DRC11: variants seen among roughly 807,000 people sequenced by gnomAD.
DRC11 encodes dynein regulatory complex subunit 11, also known as IQ and AAA domain-containing protein 1.
chr2:236,465,470 C>G, the DRC11 span: 2 of 1,566,080 alleles, frequency 1.3e-6, no homozygotes, highest in Non-Finnish European at 1.8e-6. The surrounding 1 kb of genome is among the most constrained non-coding windows in gnomAD (Gnocchi z 6.2). Context: ...CACTAAAGAA[C>G]AGACTGGATA....
At chr2:236,460,757 T>C in the DRC11 span, among the ~76,000 whole-genome samples, 1 of 146,254 alleles carries the variant, frequency 6.8e-6, no homozygotes, top group African/African-American at 2.4e-5. This position sits in a 1 kb window ranked among gnomAD's most constrained non-coding sequence, Gnocchi z 4.0. Context: ...ATATTTATTT[T>C]ATTTATTTAT....
At chr2:236,363,750 G>C in the DRC11 span, 4 of 1,496,078 alleles carry the variant, frequency 2.7e-6, no homozygotes, top group African/African-American at 5.5e-5. This position sits in a 1 kb window ranked among gnomAD's most constrained non-coding sequence, Gnocchi z 5.6. Flanking sequence ...AGAGGGAGGA[G>C]AGTTGGAAAC....
chr2:236,342,680 G>A, the DRC11 span, among the ~76,000 whole-genome samples: 1 of 152,142 alleles, frequency 6.6e-6, no homozygotes, highest in Non-Finnish European at 1.5e-5. The surrounding 1 kb of genome is among the most constrained non-coding windows in gnomAD (Gnocchi z 5.8). Flanking sequence ...TTCCTCCCCC[G>A]CTCCTCTCCT....
chr2:236,469,595 A>G, the DRC11 span, among the ~76,000 whole-genome samples: 3 of 152,164 alleles, frequency 2.0e-5, no homozygotes, highest in African/African-American at 4.8e-5. This position sits in a 1 kb window ranked among gnomAD's most constrained non-coding sequence, Gnocchi z 5.8. Flanking sequence ...TGCTGTTAGT[A>G]TGTGTGTATT....
chr2:236,431,358 G>A, the DRC11 span, among the ~76,000 whole-genome samples: 5 of 152,268 alleles, frequency 3.3e-5, no homozygotes, highest in South Asian at 1.0e-3. This position sits in a 1 kb window ranked among gnomAD's most constrained non-coding sequence, Gnocchi z 4.2. Context: ...AAGCAAACAC[G>A]TCCTTCTTCA....
At chr2:236,335,858 G>A in the DRC11 span, among the ~76,000 whole-genome samples, 2 of 152,180 alleles carry the variant, frequency 1.3e-5, no homozygotes, top group African/African-American at 4.8e-5. The surrounding 1 kb of genome is among the most constrained non-coding windows in gnomAD (Gnocchi z 5.6). Context: ...GGGCTGCGGC[G>A]AGACTGTGGT....
chr2:236,319,078 G>C, the DRC11 span, among the ~76,000 whole-genome samples: 1 of 152,164 alleles, frequency 6.6e-6, no homozygotes, highest in African/African-American at 2.4e-5. The surrounding 1 kb of genome is among the most constrained non-coding windows in gnomAD (Gnocchi z 6.7). Flanking sequence ...GCTTTTTTGG[G>C]GCCCCAGGGG....
the DRC11 span, among the ~76,000 whole-genome samples, chr2:236,330,933 C>T: frequency 3.9e-5 from 6 of 152,272 alleles, no homozygotes; most frequent in East Asian, 3.9e-4. The surrounding 1 kb of genome is among the most constrained non-coding windows in gnomAD (Gnocchi z 5.5). Context: ...GGCTTCCTAT[C>T]GCAAATGAAC....
chr2:236,479,372 T>C, the DRC11 span, among the ~76,000 whole-genome samples: 8 of 152,360 alleles, frequency 5.3e-5, no homozygotes, highest in African/African-American at 1.9e-4. The surrounding 1 kb of genome is among the most constrained non-coding windows in gnomAD (Gnocchi z 4.1). Flanking sequence ...AAGAATGTAC[T>C]ACTGCCATTT....
At chr2:236,485,277 T>C in the DRC11 span, among the ~76,000 whole-genome samples, 8 of 152,006 alleles carry the variant, frequency 5.3e-5, no homozygotes, top group Admixed American at 3.3e-4. Context: ...ATATACATCA[T>C]GTGTTTGTAA....
At chr2:236,372,059 C>T in the DRC11 span, among the ~76,000 whole-genome samples, 1 of 152,176 alleles carries the variant, frequency 6.6e-6, no homozygotes, top group South Asian at 2.1e-4. The surrounding 1 kb of genome is among the most constrained non-coding windows in gnomAD (Gnocchi z 4.5). Context: ...AACGTCTAAA[C>T]CCTTTTCCCG....
At chr2:236,346,907 A>C in the DRC11 span, among the ~76,000 whole-genome samples, 1 of 152,182 alleles carries the variant, frequency 6.6e-6, no homozygotes, top group Admixed American at 6.5e-5. Flanking sequence ...CTGGCCTATG[A>C]CCTTCTAGGG....
At chr2:236,405,885 A>C in the DRC11 span, among the ~76,000 whole-genome samples, 5 of 152,186 alleles carry the variant, frequency 3.3e-5, no homozygotes, top group African/African-American at 1.2e-4. This position sits in a 1 kb window ranked among gnomAD's most constrained non-coding sequence, Gnocchi z 4.6. Context: ...GACTTCATTC[A>C]CACTGCGAAG....
chr2:236,493,592 A>G, the DRC11 span, among the ~76,000 whole-genome samples: 2 of 152,214 alleles, frequency 1.3e-5, no homozygotes, highest in Non-Finnish European at 2.9e-5. Flanking sequence ...TAATGATTAT[A>G]TATCACCAAA....
chr2:236,468,988 AAATG>A, the DRC11 span, among the ~76,000 whole-genome samples: 1 of 152,192 alleles, frequency 6.6e-6, no homozygotes, highest in Non-Finnish European at 1.5e-5. Context: ...TCATCCCTAA[AAATG>A]AATGAATGAG....
chr2:236,313,651 T>C, the DRC11 span, among the ~76,000 whole-genome samples: 1 of 152,206 alleles, frequency 6.6e-6, no homozygotes, highest in African/African-American at 2.4e-5. This position sits in a 1 kb window ranked among gnomAD's most constrained non-coding sequence, Gnocchi z 4.5. Context: ...AAAATTGGAA[T>C]GAGCCCAGAT....
At chr2:236,441,485 A>G in the DRC11 span, among the ~76,000 whole-genome samples, 1 of 152,144 alleles carries the variant, frequency 6.6e-6, no homozygotes, top group African/African-American at 2.4e-5. Context: ...TTTCAAACTA[A>G]ACGAAGGATG....
the DRC11 span, among the ~76,000 whole-genome samples, chr2:236,500,861 G>A: frequency 2.0e-5 from 3 of 152,056 alleles, no homozygotes; most frequent in Non-Finnish European, 2.9e-5. This position sits in a 1 kb window ranked among gnomAD's most constrained non-coding sequence, Gnocchi z 6.3. Context: ...ACCATGCCCA[G>A]CTAATTTTGT....
At chr2:236,383,654 T>C in the DRC11 span, among the ~76,000 whole-genome samples, 2 of 151,946 alleles carry the variant, frequency 1.3e-5, no homozygotes, top group Non-Finnish European at 2.9e-5. Flanking sequence ...TTTTGTTTTG[T>C]TTTTAAAACA....
Sources: gnomAD v4.1 joint callset for allele counts (sites outside exome capture counted in the v4.1 genomes callset) on GRCh38, gnomAD v4.1.1 for gene constraint, Gnocchi (gnomAD v3.1) non-coding constraint, MANE v1.5 for transcripts, NCBI Gene and HGNC (gene_info 2026-07-23, HGNC 2026-07-21) for gene names.